RPGRIP1: variants seen among roughly 807,000 people sequenced by gnomAD.
RPGRIP1 encodes X-linked retinitis pigmentosa GTPase regulator-interacting protein 1.
In RPGRIP1, 128 loss-of-function variants were observed where a neutral mutation model predicts 157.9. That is an observed-to-expected ratio of 0.81 (90% confidence interval 0.70 to 0.94). The LOEUF (loss-of-function observed/expected upper bound fraction) is 0.94. Ranked by LOEUF, RPGRIP1 falls within the 40% of genes least tolerant of loss-of-function variation. RPGRIP1 has a pLI of 0.00. For synonymous variants in RPGRIP1, 554 were observed against 571.6 expected (o/e 0.97, Z 0.44); for missense variants, 1,486 against 1,545.8 (o/e 0.96, Z 0.65).
Position 21,307,750 on chromosome 14 carries a change from G to A in RPGRIP1, c.820G>A (p.Val274Ile), listed in dbSNP as rs981833605. 8.3e-6 allele frequency: 13 copies of A among 1,563,570 alleles called. No homozygotes were observed. Among genetic ancestry groups the A allele is most frequent in the East Asian group, 2.3e-5 (1 of 42,726 alleles). The change falls in exon 7 of 25, where the codon GTA becomes ATA. Residue 274 changes from valine (V) to isoleucine (I), a missense_variant. By Grantham distance (29) the Val-to-Ile change is conservative (BLOSUM62 3). Transcript: ENST00000400017. ...AELRASIKEKVELIRLKKLLH... is the reference protein window; with the variant it reads ...AELRASIKEKIELIRLKKLLH... ...CTGCAGAGCTTCCATTAAAGAGAAG[G>A]TAGAGCTGATTCGACTTAAGAAGCT...
intron 4 of RPGRIP1, among the ~76,000 whole-genome samples, chr14:21,301,771 G>T (rs547847662): frequency 1.3e-5 from 2 of 151,392 alleles, no homozygotes; most frequent in South Asian, 4.2e-4. Flanking sequence ...CCACCTACTT[G>T]GGAAGCTGAT....
intron 21 of RPGRIP1, among the ~76,000 whole-genome samples, chr14:21,335,027 CAA>C (rs1201974055): frequency 3.0e-5 from 2 of 66,054 alleles, no homozygotes; most frequent in East Asian, 4.8e-4. Flanking sequence ...GCCTGGGCAA[CAA>C]GAGCAAAACT....
intron 20 of RPGRIP1, among the ~76,000 whole-genome samples, chr14:21,334,190 G>C (rs766494579): frequency 5.9e-5 from 9 of 152,062 alleles, no homozygotes; most frequent in Non-Finnish European, 8.8e-5. Context: ...CAAAAGTGCT[G>C]GGATTACAGG....
At chr14:21,311,175 A>G (rs984745992) in intron 8 of RPGRIP1, among the ~76,000 whole-genome samples, 3 of 152,212 alleles carry the variant, frequency 2.0e-5, no homozygotes, top group African/African-American at 7.2e-5. Context: ...ATAAAAAAGC[A>G]GTCAAATAGC....
intron 24 of RPGRIP1, 71 bp downstream of exon 24, chr14:21,348,373 C>A (rs1349266199): frequency 8.6e-7 from 1 of 1,157,022 alleles, no homozygotes; most frequent in Non-Finnish European, 1.2e-6. Flanking sequence ...ATTTTATCTT[C>A]AATACATAAT....
At chr14:21,297,768 G>A (rs1453841263) in intron 3 of RPGRIP1, among the ~76,000 whole-genome samples, 2 of 152,148 alleles carry the variant, frequency 1.3e-5, no homozygotes, top group African/African-American at 4.8e-5. Context: ...GGAAACAGAA[G>A]TTTGCTCCAG....
intron 14 of RPGRIP1, among the ~76,000 whole-genome samples, chr14:21,322,537 T>C (rs1882616063): frequency 6.6e-6 from 1 of 152,216 alleles, no homozygotes; most frequent in South Asian, 2.1e-4. Context: ...GAGTTTCAAG[T>C]GGGCCCAGCA....
intron 21 of RPGRIP1, among the ~76,000 whole-genome samples, chr14:21,341,337 C>T (rs566167723): frequency 6.6e-6 from 1 of 152,202 alleles, no homozygotes; most frequent in Non-Finnish European, 1.5e-5. Flanking sequence ...CGCCAAATAT[C>T]TTCATTTTTA....
intron 20 of RPGRIP1, among the ~76,000 whole-genome samples, chr14:21,334,228 G>A (rs1884098114): frequency 6.6e-6 from 1 of 151,904 alleles, no homozygotes; most frequent in Non-Finnish European, 1.5e-5. Flanking sequence ...AGCCAGAGAG[G>A]CCATCTTTGG....
At chr14:21,299,882 C>T (rs1183186859) in intron 3 of RPGRIP1, among the ~76,000 whole-genome samples, 1 of 150,890 alleles carries the variant, frequency 6.6e-6, no homozygotes, top group Non-Finnish European at 1.5e-5. Context: ...GGCCATCTTT[C>T]TAGCTTGCTG....
intron 3 of RPGRIP1, among the ~76,000 whole-genome samples, chr14:21,297,870 T>TTTCTTTCTTTCTTTCC (rs1411786427): frequency 6.6e-6 from 1 of 151,290 alleles, no homozygotes. Context: ...TCTTTCTTTC[T>TTTCTTTCTTTCTTTCC]TTCTTTCTTT....
In RPGRIP1 at chr14:21,320,150, T is replaced by C; in HGVS notation, c.1440T>C (p.Ala480=). The C allele has an allele frequency of 1.2e-6, 2 of 1,613,930 alleles. No homozygotes were observed. Among genetic ancestry groups the C allele is most frequent in the African/African-American group, 2.7e-5 (2 of 75,048 alleles). The change falls in exon 12 of 25, where the codon GCT becomes GCC. Residue 480 remains alanine (A), a synonymous_variant. Transcript: ENST00000400017. ...DRQSEPATHP[A]VLQENTQIEP... ...AATCTGAACCAGCCACTCACCCAGC[T>C]GTATTGCAAGAGAACACTCAGATCG...
At chr14:21,296,813 G>A (rs1255211701) in intron 3 of RPGRIP1, among the ~76,000 whole-genome samples, 3 of 151,742 alleles carry the variant, frequency 2.0e-5, no homozygotes, top group African/African-American at 7.3e-5. Flanking sequence ...AAATTAGCTG[G>A]GCGTGGTGGT....
intron 20 of RPGRIP1, among the ~76,000 whole-genome samples, chr14:21,333,302 C>T (rs1273670653): frequency 1.3e-5 from 2 of 152,098 alleles, no homozygotes; most frequent in African/African-American, 4.8e-5. Context: ...GATTTTAAGG[C>T]CATTTCCACA....
chr14:21,320,249 TGAG>T, intron 12 of RPGRIP1, 72 bp downstream of exon 12: 1 of 1,357,466 alleles, frequency 7.4e-7, no homozygotes, highest in Non-Finnish European at 1.0e-6. Context: ...GGGAAGATGA[TGAG>T]ATTAGAAAAC....
At chr14:21,342,401 C>T (rs1267089626) in intron 21 of RPGRIP1, among the ~76,000 whole-genome samples, 6 of 151,752 alleles carry the variant, frequency 4.0e-5, no homozygotes, top group Non-Finnish European at 5.9e-5. Flanking sequence ...AAATAATTGT[C>T]CCTATGTGGT....
At position 21,303,429 on chromosome 14, in the gene RPGRIP1, G is replaced by T. The variant is rs768832924; in HGVS notation, c.686G>T (p.Ser229Ile). The T allele has an allele frequency of 1.4e-5, 22 of 1,613,596 alleles. No individual in the cohort carries two copies. The South Asian group carries it at 2.4e-4, about 18-fold the overall frequency. The change falls in exon 6 of 25, where the codon AGC (serine) becomes ATC (isoleucine). Residue 229 changes from serine (S) to isoleucine (I), a missense_variant. Coordinates refer to ENST00000400017, the MANE Select transcript of RPGRIP1 (RefSeq NM_020366.4). ...CCTAACAGTGCCCACATCATGGCCA[G>T]CAATACCATGCAAGTGGAAGAGCCA... ...CMPNSAHIMA[S>I]NTMQVEEPPK...
intron 24 of RPGRIP1, among the ~76,000 whole-genome samples, chr14:21,350,413 A>C (rs1886120265): frequency 6.6e-6 from 1 of 151,032 alleles, no homozygotes; most frequent in African/African-American, 2.4e-5. Context: ...AGGAATTAAG[A>C]GTACATAGCA....
rs749904156 is a variant in RPGRIP1, at chr14:21,325,918, C to G, written c.2455C>G (p.Gln819Glu). The G allele has an allele frequency of 1.2e-6, 2 of 1,613,836 alleles. No homozygotes were observed. The highest frequency in any genetic ancestry group is 2.7e-5 in the African/African-American group (2 of 74,930). ...CCTCCGGAGTCGATGGCTGGGAACT[C>G]AACCCAGTCCATATGCTGTGTACCG... ...CGLRSRWLGT[Q>E]PSPYAVYRFF... Residue 819 changes from glutamine to glutamate, a missense_variant, in exon 17 of 25, where the codon CAA (glutamine) becomes GAA (glutamate). Gln to Glu is a conservative substitution (Grantham distance 29). Coordinates refer to ENST00000400017, the MANE Select transcript of RPGRIP1 (RefSeq NM_020366.4).
Sources: allele counts gnomAD v4.1 joint callset (sites outside exome capture counted in the v4.1 genomes callset), GRCh38; gene constraint gnomAD v4.1.1; transcripts MANE v1.5; gene names NCBI Gene and HGNC (gene_info 2026-07-23, HGNC 2026-07-21).